KPTN: variants seen among roughly 807,000 people sequenced by gnomAD.
The protein encoded by KPTN is kaptin, actin binding protein.
KPTN carries 36 observed loss-of-function variants against 52.6 expected under a neutral mutation model. The ratio of observed to expected loss-of-function variants is 0.68; its 90% CI spans 0.52 to 0.90. The LOEUF (loss-of-function observed/expected upper bound fraction) is 0.90. Ranked by LOEUF, KPTN falls within the 40% of genes least tolerant of loss-of-function variation. The probability of loss-of-function intolerance (pLI) is 0.00; values close to 1 mark genes in which losing one functional copy is unlikely to be tolerated. For missense variants in KPTN, 529 were observed against 576.2 expected, an observed-to-expected ratio of 0.92 and a Z score of 0.84; for synonymous variants, 271 against 248.4, an observed-to-expected ratio of 1.09 and a Z score of -0.85.
chr19:47,476,390 T>A, intron 11 of KPTN, 142 bp downstream of exon 11: 1 of 354,660 alleles, frequency 2.8e-6, no homozygotes, highest in Non-Finnish European at 4.5e-6. Flanking sequence ...CGCTCACAGC[T>A]GCCCCTTTCT....
chr19:47,479,646 C>T (rs890175877), intron 8 of KPTN, among the ~76,000 whole-genome samples: 4 of 151,990 alleles, frequency 2.6e-5, no homozygotes, highest in Non-Finnish European at 1.5e-5. Context: ...TGGGTTAGGC[C>T]CCATGTGCCA....
intron 4 of KPTN, among the ~76,000 whole-genome samples, chr19:47,482,689 G>A (rs897199645): frequency 6.6e-6 from 1 of 151,972 alleles, no homozygotes; most frequent in Non-Finnish European, 1.5e-5. Context: ...AGGCATTTTA[G>A]TTTAATTTCA....
At chr19:47,480,230 A>C (rs1599874121) in intron 7 of KPTN, 68 bp downstream of exon 7, 1 of 754,932 alleles carries the variant, frequency 1.3e-6, no homozygotes. Context: ...TCCAGCCCTC[A>C]GCCCCACCCT....
At chr19:47,480,643 C>G (rs1247148118) in intron 6 of KPTN, 117 bp downstream of exon 6, 1 of 962,714 alleles carries the variant, frequency 1.0e-6, no homozygotes, top group Admixed American at 1.8e-5. Context: ...GAAGTCATGC[C>G]GTGGACTGAT....
chr19:47,483,690 T>C, intron 1 of KPTN, 106 bp from the exon 2 acceptor site: 2 of 937,538 alleles, frequency 2.1e-6, no homozygotes, highest in Non-Finnish European at 3.3e-6. Flanking sequence ...CTGGTCTGAG[T>C]CCTGACCACC....
chr19:47,483,181 CG>C lies in KPTN; in HGVS notation c.428del (p.Pro143ArgfsTer21). 1 of 1,614,006 alleles carries C rather than the reference CG, an allele frequency of 6.2e-7. No homozygotes were observed. The highest frequency in any genetic ancestry group is 1.3e-5 in the African/African-American group (1 of 75,030). ...CTCACTCCGCATGGCACAGCTGGAA[CG>C]GAGTGAACTGGAGCTCCAGGTTCAG... ...SCLNLELQFTPFQLCHAEVQV... is the reference protein window; with the variant it reads ...SCLNLELQFTXFQLCHAEVQV... On this transcript the variant is annotated frameshift_variant, in exon 4 of 12. Coordinates refer to ENST00000338134, the MANE Select transcript of KPTN (RefSeq NM_007059.4). LOFTEE classifies it high-confidence loss of function.
intron 8 of KPTN, among the ~76,000 whole-genome samples, chr19:47,478,513 G>A (rs1247801443): frequency 7.2e-6 from 1 of 138,102 alleles, no homozygotes; most frequent in African/African-American, 2.6e-5. Context: ...GGGAGGTGGA[G>A]GTGATAGTGA....
At chr19:47,477,464 G>A (rs776854501) in intron 9 of KPTN, among the ~76,000 whole-genome samples, 8 of 152,060 alleles carry the variant, frequency 5.3e-5, no homozygotes, top group Non-Finnish European at 1.2e-4. Context: ...CCATTTTCCA[G>A]CATACCTACT....
chr19:47,475,501 C>T lies in KPTN; in HGVS notation c.1226G>A (p.Arg409Gln), dbSNP rs753605556. 9 of 1,613,218 alleles carry T rather than the reference C, an allele frequency of 5.6e-6. No individual in the cohort carries two copies. Among genetic ancestry groups the T allele is most frequent in the Admixed American group, 1.7e-5 (1 of 59,958 alleles). The change falls in exon 12 of 12, where the codon CGA becomes CAA. Residue 409 changes from arginine to glutamine, a missense_variant. Transcript: ENST00000338134. ...QASELVLTRL[R>Q]HQVEQRRRRL... ...ACGTCTCCTCTGCTCCACTTGATGT[C>T]GAAGCCGGGTCAAGACCAGCTCTGA...
intron 4 of KPTN, among the ~76,000 whole-genome samples, chr19:47,482,396 G>T (rs1459440688): frequency 2.0e-5 from 3 of 148,450 alleles, no homozygotes; most frequent in Non-Finnish European, 4.4e-5. Context: ...GGCTGAGGCA[G>T]TAGAATCACT....
intron 9 of KPTN, among the ~76,000 whole-genome samples, 185 bp downstream of exon 9, chr19:47,477,521 C>T (rs1273559804): frequency 6.6e-6 from 1 of 151,976 alleles, no homozygotes; most frequent in Non-Finnish European, 1.5e-5. Context: ...ACCCCCCAGC[C>T]TCAACATATT....
Position 47,484,004 on chromosome 19 carries a change from A to G in KPTN, c.157T>C (p.Phe53Leu). 3 of 1,613,342 alleles carry G rather than the reference A, an allele frequency of 1.9e-6. No homozygotes were observed. The highest frequency in any genetic ancestry group is 2.5e-6 in the Non-Finnish European group (3 of 1,180,014). Reference sequence around the variant, plus strand: ...TTCTGTCGGAGGTCTTGGTAGCGGAAGCCGAGCACCTTGCCTTTAAGGGTG... The same window carrying G: ...TTCTGTCGGAGGTCTTGGTAGCGGAGGCCGAGCACCTTGCCTTTAAGGGTG... ...AATLKGKVLG[F>L]RYQDLRQKIR... Residue 53 changes from phenylalanine to leucine, a missense_variant, in exon 1 of 12, where the codon TTC becomes CTC. Transcript: ENST00000338134.
At position 47,480,938 on chromosome 19, in the gene KPTN, A is replaced by G; in HGVS notation, c.525+20T>C. 6.2e-7 allele frequency: 1 copy of G among 1,612,150 alleles called. No homozygotes were observed. The highest frequency in any genetic ancestry group is 8.5e-7 in the Non-Finnish European group (1 of 1,178,820). ...CAGTGAATCCCACAGGGCTCTGCCC[A>G]GCACGCCGCCCCACCTCACCTCCTT... is the stretch of plus-strand genomic sequence containing the variant. On this transcript the variant is annotated intron_variant, in intron 5 of 11. Transcript: ENST00000338134.
chr19:47,485,261 T>G (rs2122709355), upstream of KPTN, among the ~76,000 whole-genome samples: 1 of 152,258 alleles, frequency 6.6e-6, no homozygotes, highest in Non-Finnish European at 1.5e-5. Flanking sequence ...CTCACTAATC[T>G]TTGCAAGAAA....
intron 11 of KPTN, chr19:47,476,248 GC>G (rs1165383159): frequency 8.9e-6 from 2 of 223,990 alleles, no homozygotes; most frequent in Non-Finnish European, 1.7e-5. Context: ...GGTGGAGGTT[GC>G]AGTGAGCTGA....
intron 6 of KPTN, 75 bp downstream of exon 6, chr19:47,480,685 T>C: frequency 7.2e-7 from 1 of 1,381,098 alleles, no homozygotes; most frequent in African/African-American, 1.4e-5. Context: ...GACCAATTTC[T>C]CTAAGGTCTC....
At chr19:47,477,496 G>A (rs1408602719) in intron 9 of KPTN, among the ~76,000 whole-genome samples, 1 of 152,106 alleles carries the variant, frequency 6.6e-6, no homozygotes, top group East Asian at 1.9e-4. Context: ...AGGGGGCACA[G>A]GCATCTCTGC....
intron 7 of KPTN, 59 bp from the exon 8 acceptor site, chr19:47,479,999 G>A: frequency 7.2e-7 from 1 of 1,387,078 alleles, no homozygotes; most frequent in Non-Finnish European, 9.9e-7. Flanking sequence ...CCGCAGCCCT[G>A]AAACCATCGA....
intron 8 of KPTN, among the ~76,000 whole-genome samples, chr19:47,479,381 G>C (rs1967785100): frequency 6.6e-6 from 1 of 152,210 alleles, no homozygotes; most frequent in Admixed American, 6.5e-5. Flanking sequence ...CCCAGTAAAG[G>C]AGCAGGAATG....
Sources: allele counts gnomAD v4.1 joint callset (sites outside exome capture counted in the v4.1 genomes callset), GRCh38; gene constraint gnomAD v4.1.1; transcripts MANE v1.5; gene names NCBI Gene and HGNC (gene_info 2026-07-23, HGNC 2026-07-21).